BCKDHB: variants seen among roughly 807,000 people sequenced by gnomAD.
BCKDHB encodes the protein 2-oxoisovalerate dehydrogenase subunit beta, mitochondrial.
In BCKDHB, 41 loss-of-function variants were observed where a neutral mutation model predicts 48.5. The observed-to-expected ratio is 0.85, with a 90% CI of 0.66 to 1.10. The LOEUF is 1.10. BCKDHB is among the 50% of genes least tolerant of loss of function. The pLI, the probability that BCKDHB is intolerant of heterozygous loss-of-function variation, is 0.00. For missense variants in BCKDHB, 496 were observed against 494.2 expected, an observed-to-expected ratio of 1.00 and a Z score of -0.03; for synonymous variants, 201 against 174.8, an observed-to-expected ratio of 1.15 and a Z score of -1.18.
chr6:80,283,893 T>A (rs1387074252), intron 9 of BCKDHB, among the ~76,000 whole-genome samples: 1 of 152,160 alleles, frequency 6.6e-6, no homozygotes, highest in Non-Finnish European at 1.5e-5. Context: ...ATAACCTGGC[T>A]GATTCTCTTG....
At chr6:80,321,589 A>AC (rs1173375684) in intron 9 of BCKDHB, among the ~76,000 whole-genome samples, 1 of 152,140 alleles carries the variant, frequency 6.6e-6, no homozygotes, top group African/African-American at 2.4e-5. Context: ...TTTTTTATCA[A>AC]CATGCCCATA....
At chr6:80,270,482 G>A (rs1777690671) in intron 8 of BCKDHB, among the ~76,000 whole-genome samples, 1 of 151,946 alleles carries the variant, frequency 6.6e-6, no homozygotes, top group African/African-American at 2.4e-5. Flanking sequence ...TGTTCCATTT[G>A]TTTGTAGACA....
chr6:80,300,044 G>A (rs1401763761), intron 9 of BCKDHB, among the ~76,000 whole-genome samples: 1 of 150,966 alleles, frequency 6.6e-6, no homozygotes, highest in African/African-American at 2.4e-5. Context: ...AGGAACAAGA[G>A]CCACTAGTCT....
chr6:80,247,124 A>G (rs1337112473), intron 8 of BCKDHB, among the ~76,000 whole-genome samples: 1 of 152,228 alleles, frequency 6.6e-6, no homozygotes. Flanking sequence ...CATCAAAACA[A>G]AACCGTTTCT....
intron 9 of BCKDHB, among the ~76,000 whole-genome samples, chr6:80,282,380 TTCAAAGTGTA>T (rs1766372434): frequency 6.6e-6 from 1 of 152,174 alleles, no homozygotes; most frequent in African/African-American, 2.4e-5. Context: ...ATCGAGACTC[TTCAAAGTGTA>T]GATTTCCTTT....
intron 8 of BCKDHB, among the ~76,000 whole-genome samples, chr6:80,257,980 A>G (rs1206580361): frequency 6.6e-6 from 1 of 151,920 alleles, no homozygotes; most frequent in African/African-American, 2.4e-5. Context: ...CACAACATAT[A>G]TATATATATT....
chr6:80,190,962 G>T (rs116397750), intron 6 of BCKDHB, among the ~76,000 whole-genome samples: 30 of 151,578 alleles, frequency 2.0e-4, no homozygotes, highest in African/African-American at 6.6e-4. Flanking sequence ...GTTGGTGGCA[G>T]GGCATTTAAT....
chr6:80,202,807 C>A (rs912041688), intron 7 of BCKDHB, among the ~76,000 whole-genome samples: 2 of 149,196 alleles, frequency 1.3e-5, no homozygotes, highest in Non-Finnish European at 3.0e-5. Flanking sequence ...CCTCTACATG[C>A]TTTCTACGTA....
intron 8 of BCKDHB, among the ~76,000 whole-genome samples, chr6:80,267,891 CT>C (rs955616124): frequency 1.4e-4 from 22 of 152,126 alleles, no homozygotes; most frequent in Admixed American, 5.2e-4. Context: ...CCCTTTTGTA[CT>C]TTTTCCACAC....
intron 6 of BCKDHB, among the ~76,000 whole-genome samples, chr6:80,174,741 A>G (rs779535448): frequency 5.3e-5 from 8 of 152,124 alleles, no homozygotes; most frequent in East Asian, 1.9e-4. Context: ...TGATGATTCT[A>G]TAGGGCACTG....
chr6:80,351,866 G>A, the BCKDHB span, among the ~76,000 whole-genome samples: 3 of 149,088 alleles, frequency 2.0e-5, no homozygotes, highest in Non-Finnish European at 4.5e-5. Context: ...TTGTTGCCCA[G>A]GCTGGAGTGC....
chr6:80,176,307 A>G (rs1773153341), intron 6 of BCKDHB, among the ~76,000 whole-genome samples: 1 of 152,192 alleles, frequency 6.6e-6, no homozygotes, highest in South Asian at 2.1e-4. Flanking sequence ...TTTTAAATAT[A>G]TACTGAGCTG....
At chr6:80,202,542 T>C (rs1201780380) in intron 7 of BCKDHB, among the ~76,000 whole-genome samples, 2 of 152,160 alleles carry the variant, frequency 1.3e-5, no homozygotes, top group Non-Finnish European at 2.9e-5. Flanking sequence ...ACTGATCTTC[T>C]AGTTGTTTAA....
chr6:80,376,990 A>C, the BCKDHB span, among the ~76,000 whole-genome samples: 1 of 149,432 alleles, frequency 6.7e-6, no homozygotes, highest in Non-Finnish European at 1.5e-5. Flanking sequence ...TATTCTGTGG[A>C]TTGTCTTTTC....
the BCKDHB span, among the ~76,000 whole-genome samples, chr6:80,421,072 C>T: frequency 3.3e-5 from 5 of 152,162 alleles, no homozygotes; most frequent in Non-Finnish European, 5.9e-5. Context: ...CAAATTTCAT[C>T]TTGAATTGTA....
At chr6:80,323,264 C>T (rs1170582409) in intron 9 of BCKDHB, among the ~76,000 whole-genome samples, 1 of 152,082 alleles carries the variant, frequency 6.6e-6, no homozygotes, top group Non-Finnish European at 1.5e-5. Flanking sequence ...TACACAAACC[C>T]ACTTTCTTCA....
the BCKDHB span, among the ~76,000 whole-genome samples, chr6:80,393,869 C>T: frequency 3.9e-5 from 6 of 152,130 alleles, no homozygotes; most frequent in African/African-American, 9.7e-5. Context: ...GCTTATTTTC[C>T]AGGTGCTTCC....
At chr6:80,243,592 G>C (rs1413601730) in intron 8 of BCKDHB, among the ~76,000 whole-genome samples, 3 of 152,170 alleles carry the variant, frequency 2.0e-5, no homozygotes, top group African/African-American at 7.2e-5. Context: ...GAGTGCAGTG[G>C]TGTGATCTCA....
At chr6:80,307,447 C>T (rs933008101) in intron 9 of BCKDHB, 2 of 985,120 alleles carry the variant, frequency 2.0e-6, no homozygotes, top group African/African-American at 3.5e-5. Flanking sequence ...ATATTCTGTG[C>T]TTCACAGTGC....
Sources: gnomAD v4.1 joint callset for allele counts (sites outside exome capture counted in the v4.1 genomes callset) on GRCh38, gnomAD v4.1.1 for gene constraint, MANE v1.5 for transcripts, NCBI Gene and HGNC (gene_info 2026-07-23, HGNC 2026-07-21) for gene names.